ROR1: variants seen among roughly 807,000 people sequenced by gnomAD.
ROR1 encodes the protein ROR family WNT receptor 1.
ROR1 carries 19 observed loss-of-function variants against 78.8 expected under a neutral mutation model. The observed-to-expected ratio is 0.24, with a 90% CI of 0.17 to 0.35. The LOEUF (loss-of-function observed/expected upper bound fraction) is 0.35, where lower values mean the gene tolerates loss of function less well. Among genes scored for constraint, ROR1 ranks in the 10% least tolerant of loss-of-function variants. ROR1 has a pLI of 1.00. For missense variants in ROR1, 917 were observed against 1,177.8 expected (o/e 0.78, Z 3.24); for synonymous variants, 386 against 433.6 (o/e 0.89, Z 1.36).
chr1:64,026,002 A>G (rs904145321), intron 2 of ROR1, among the ~76,000 whole-genome samples: 13 of 152,216 alleles, frequency 8.5e-5, no homozygotes, highest in African/African-American at 3.1e-4. Context: ...CTGTTCCCCC[A>G]AAAGGTATGG....
chr1:64,168,683 A>G (rs1412044143), intron 8 of ROR1, among the ~76,000 whole-genome samples: 1 of 152,246 alleles, frequency 6.6e-6, no homozygotes, highest in Non-Finnish European at 1.5e-5. Flanking sequence ...ATATAAACCT[A>G]ATAAATGCTG....
chr1:64,080,036 G>A (rs547589557), intron 4 of ROR1, among the ~76,000 whole-genome samples: 1 of 152,156 alleles, frequency 6.6e-6, no homozygotes, highest in Non-Finnish European at 1.5e-5. Context: ...CCTTAGCTGG[G>A]ATGACTAAAG....
chr1:64,061,391 T>C (rs1263283568), intron 4 of ROR1, among the ~76,000 whole-genome samples: 1 of 152,170 alleles, frequency 6.6e-6, no homozygotes, highest in Non-Finnish European at 1.5e-5. Context: ...TACAATAGGT[T>C]CCAGAACAAG....
chr1:63,803,623 C>T (rs537103528), intron 1 of ROR1, among the ~76,000 whole-genome samples: 9 of 152,308 alleles, frequency 5.9e-5, no homozygotes, highest in East Asian at 1.9e-4. Flanking sequence ...GGATTACAGG[C>T]GTGAGCCACC....
chr1:64,059,176 T>A (rs942347458), intron 4 of ROR1, among the ~76,000 whole-genome samples: 4 of 152,178 alleles, frequency 2.6e-5, no homozygotes, highest in African/African-American at 4.8e-5. Context: ...CTAATTTTAA[T>A]AATTTGTGTC....
At chr1:63,877,515 G>T (rs1181774220) in intron 1 of ROR1, among the ~76,000 whole-genome samples, 1 of 152,096 alleles carries the variant, frequency 6.6e-6, no homozygotes, top group Admixed American at 6.6e-5. Flanking sequence ...CTCTTCATTT[G>T]TAAAATTGTG....
intron 1 of ROR1, among the ~76,000 whole-genome samples, chr1:63,844,940 C>A (rs1645072123): frequency 1.3e-5 from 2 of 152,116 alleles, no homozygotes; most frequent in South Asian, 4.1e-4. Context: ...ATTGTCTCTG[C>A]AGCAGAAAGT....
Position 64,178,487 on chromosome 1 carries a change from T to G in ROR1, c.2446T>G (p.Phe816Val). The part of the protein sequence containing the change: ...IGPPIPQNQR[F>V]IPINGYPIPP... ...CCCGCCAATACCTCAGAACCAGCGA[T>G]TCATTCCCATCAATGGATACCCAAT... Residue 816 changes from phenylalanine (F) to valine (V), a missense_variant, in exon 9 of 9, where the codon TTC (phenylalanine) becomes GTC (valine). Physicochemically the swap from Phe to Val is conservative, Grantham distance 50 (BLOSUM62 -1). This residue lies in a region of ROR1 where 835 missense variants were observed against 1,069.8 expected (regional missense o/e 0.78). Transcript: ENST00000371079. This position sits in a 1 kb window ranked among gnomAD's most constrained non-coding sequence, Gnocchi z 4.3. 6.2e-7 allele frequency: 1 copy of G among 1,614,146 alleles called. No individual in the cohort carries two copies. The highest frequency in any genetic ancestry group is 8.5e-7 in the Non-Finnish European group (1 of 1,180,014).
chr1:63,790,565 C>A (rs186117758), intron 1 of ROR1, among the ~76,000 whole-genome samples: 1 of 152,182 alleles, frequency 6.6e-6, no homozygotes, highest in Non-Finnish European at 1.5e-5. Context: ...TAATTGGCAA[C>A]CAATTCAGAT....
At chr1:63,958,958 A>C (rs1646005587) in intron 1 of ROR1, among the ~76,000 whole-genome samples, 1 of 152,178 alleles carries the variant, frequency 6.6e-6, no homozygotes, top group Non-Finnish European at 1.5e-5. Flanking sequence ...ATAAAACTAG[A>C]GATCTGTTAG....
chr1:63,931,446 C>T (rs976080221), intron 1 of ROR1, among the ~76,000 whole-genome samples: 1 of 152,128 alleles, frequency 6.6e-6, no homozygotes, highest in Non-Finnish European at 1.5e-5. Context: ...CTCAGAACCT[C>T]GAGTACAGTA....
chr1:64,169,747 A>G (rs1650186919), intron 8 of ROR1, among the ~76,000 whole-genome samples: 1 of 152,198 alleles, frequency 6.6e-6, no homozygotes, highest in Non-Finnish European at 1.5e-5. Flanking sequence ...GTAAAATCAA[A>G]AGCAAGTTAG....
intron 4 of ROR1, among the ~76,000 whole-genome samples, chr1:64,089,795 C>G (rs1376589557): frequency 1.3e-5 from 2 of 152,128 alleles, no homozygotes; most frequent in Admixed American, 6.5e-5. Flanking sequence ...TTGGTTGTTT[C>G]CCTACCCAAA....
chr1:63,908,166 C>A (rs1238420283), intron 1 of ROR1, among the ~76,000 whole-genome samples: 2 of 152,166 alleles, frequency 1.3e-5, no homozygotes, highest in Admixed American at 1.3e-4. Context: ...TTGCTGAGAT[C>A]ATATAGCCAA....
intron 5 of ROR1, among the ~76,000 whole-genome samples, chr1:64,137,718 A>G (rs1272282834): frequency 6.6e-6 from 1 of 152,242 alleles, no homozygotes; most frequent in Non-Finnish European, 1.5e-5. Flanking sequence ...GAAATCTCAC[A>G]TTCATTCAAA....
chr1:64,099,274 C>T (rs1647424277), intron 4 of ROR1, among the ~76,000 whole-genome samples: 1 of 152,140 alleles, frequency 6.6e-6, no homozygotes, highest in Non-Finnish European at 1.5e-5. Context: ...AGAATCTTGC[C>T]AAAGCCCCAC....
At chr1:64,063,735 C>G (rs144070249) in intron 4 of ROR1, among the ~76,000 whole-genome samples, 1 of 152,176 alleles carries the variant, frequency 6.6e-6, no homozygotes, top group East Asian at 1.9e-4. Flanking sequence ...CAGTGCTTCT[C>G]AACTCCATCT....
At chr1:64,086,421 C>T (rs954315473) in intron 4 of ROR1, among the ~76,000 whole-genome samples, 2 of 152,212 alleles carry the variant, frequency 1.3e-5, no homozygotes, top group African/African-American at 4.8e-5. Flanking sequence ...GAGCCGGGTG[C>T]TGGTCTAGTT....
intron 1 of ROR1, among the ~76,000 whole-genome samples, chr1:63,789,875 G>T (rs12731519): frequency 0.17 from 25,430 of 151,924 alleles, 2,656 homozygotes; most frequent in African/African-American, 0.3. Context: ...ATTTTTCAAA[G>T]CAAGGATCCA....
Sources: gnomAD v4.1 joint callset for allele counts (sites outside exome capture counted in the v4.1 genomes callset) on GRCh38, gnomAD v4.1.1 for gene constraint, gnomAD v4.1.1 regional missense constraint, Gnocchi (gnomAD v3.1) non-coding constraint, MANE v1.5 for transcripts, NCBI Gene and HGNC (gene_info 2026-07-23, HGNC 2026-07-21) for gene names.